The following VPS54 variants were observed in gnomAD, a reference collection of about 807,000 sequenced individuals.
VPS54 encodes vacuolar protein sorting-associated protein 54.
VPS54 carries 45 observed loss-of-function variants against 121.5 expected under a neutral mutation model. The ratio of observed to expected loss-of-function variants is 0.37; its 90% CI spans 0.29 to 0.47. The LOEUF is 0.47. VPS54 is among the 20% of genes least tolerant of loss of function. The pLI, the probability that VPS54 is intolerant of heterozygous loss-of-function variation, is 0.99. For missense variants in VPS54, 1,090 were observed against 1,131.4 expected (o/e 0.96, Z 0.52); for synonymous variants, 371 against 385.8 (o/e 0.96, Z 0.45).
In VPS54 at chr2:63,962,145, G is replaced by C; in HGVS notation, c.923C>G (p.Ser308Cys). 6.2e-6 allele frequency: 10 copies of C among 1,610,684 alleles called. No individual in the cohort carries two copies. The highest frequency in any genetic ancestry group is 8.5e-6 in the Non-Finnish European group (10 of 1,177,066). The change falls in exon 7 of 23, where the codon TCT becomes TGT. Residue 308 changes from serine (S) to cysteine (C), a missense_variant. Physicochemically the swap from Ser to Cys is moderately radical, Grantham distance 112. Around this residue, in one of 2 missense-constraint regions of VPS54, gnomAD observed 801 missense variants for 757.0 expected, o/e 1.06. Coordinates refer to ENST00000272322, the MANE Select transcript of VPS54 (RefSeq NM_016516.3). ...QTQPTVQVLL[S>C]TSEFVGALDL... ...CAATGCTCCAACAAATTCAGAAGTAGATAATAACACCTGTACTGTAGGCTG... is the reference window on the plus strand; with the variant it reads ...CAATGCTCCAACAAATTCAGAAGTACATAATAACACCTGTACTGTAGGCTG...
chr2:64,019,214 C>T lies in VPS54; in HGVS notation c.-297G>A, dbSNP rs1259434389. ...GTGTCCTGTCAGCCAGCAGTTTCCCCCGGGTCCGCAGCGCCGCCTCCGCCG... is the reference window on the plus strand; with the variant it reads ...GTGTCCTGTCAGCCAGCAGTTTCCCTCGGGTCCGCAGCGCCGCCTCCGCCG... On this transcript the variant is annotated 5_prime_UTR_variant, in exon 1 of 23. Transcript: ENST00000272322. The T allele has an allele frequency of 6.6e-6, 1 of 151,590 alleles. No individual in the cohort carries two copies. The highest frequency in any genetic ancestry group is 1.5e-5 in the Non-Finnish European group (1 of 68,120). 9.4% of individuals were successfully genotyped at this position (151,590 alleles called of 1,614,324 possible).
At chr2:63,957,850 G>C (rs1675574246) in intron 7 of VPS54, among the ~76,000 whole-genome samples, 1 of 152,132 alleles carries the variant, frequency 6.6e-6, no homozygotes, top group African/African-American at 2.4e-5. Context: ...ATCTCCCAGA[G>C]AGCTTTCAAA....
chr2:63,979,210 C>G (rs995021962), intron 3 of VPS54, among the ~76,000 whole-genome samples: 1 of 149,088 alleles, frequency 6.7e-6, no homozygotes, highest in African/African-American at 2.5e-5. Flanking sequence ...CTAATTTTGA[C>G]TTTGATGTTT....
At chr2:63,949,245 A>C in intron 7 of VPS54, 82 bp from the exon 8 acceptor site, 1 of 1,415,400 alleles carries the variant, frequency 7.1e-7, no homozygotes, top group Non-Finnish European at 9.5e-7. Flanking sequence ...CTAGTAGGTA[A>C]AACTTTTTCA....
At chr2:63,954,439 A>T (rs1295225536) in intron 7 of VPS54, among the ~76,000 whole-genome samples, 1 of 152,148 alleles carries the variant, frequency 6.6e-6, no homozygotes, top group African/African-American at 2.4e-5. Context: ...GAAAACAGCT[A>T]AATAAAGGAA....
chr2:64,017,837 T>C (rs565952797), intron 1 of VPS54, among the ~76,000 whole-genome samples: 2 of 152,330 alleles, frequency 1.3e-5, no homozygotes, highest in African/African-American at 2.4e-5. Context: ...CAGCTACTGG[T>C]AACCTATCAT....
At chr2:63,976,642 A>C (rs1676544138) in intron 3 of VPS54, among the ~76,000 whole-genome samples, 1 of 151,924 alleles carries the variant, frequency 6.6e-6, no homozygotes, top group African/African-American at 2.4e-5. Context: ...CAGAATATTT[A>C]TTTCTTGTTG....
At chr2:63,971,544 AT>A (rs1287588123) in intron 4 of VPS54, among the ~76,000 whole-genome samples, 1 of 152,174 alleles carries the variant, frequency 6.6e-6, no homozygotes, top group Non-Finnish European at 1.5e-5. Context: ...ATGGCTTTGT[AT>A]AAACTATTCC....
At chr2:63,995,811 G>A (rs776754810) in intron 1 of VPS54, among the ~76,000 whole-genome samples, 4 of 152,112 alleles carry the variant, frequency 2.6e-5, no homozygotes, top group Admixed American at 6.5e-5. Context: ...ATGGTCAAAG[G>A]ACACCTTCTG....
chr2:64,011,762 T>C (rs2104705104), intron 1 of VPS54, among the ~76,000 whole-genome samples: 1 of 152,298 alleles, frequency 6.6e-6, no homozygotes, highest in Middle Eastern at 3.4e-3. Context: ...TATTAGACAC[T>C]GGTATTCTCT....
chr2:63,999,716 A>G (rs1053409012), intron 1 of VPS54, among the ~76,000 whole-genome samples: 8 of 152,122 alleles, frequency 5.3e-5, no homozygotes, highest in African/African-American at 1.2e-4. Context: ...TTTACAGACA[A>G]TAACTCTTAG....
rs551811956 is a variant in VPS54 at position 63,932,009 on chromosome 2, G to A, written c.1739+1664C>T. Reference sequence around the variant, plus strand: ...ATCACTACAAAATCAGGAAACAACAGATGCTGGAGAGGATGTGGAGAAATA... The same window carrying A: ...ATCACTACAAAATCAGGAAACAACAAATGCTGGAGAGGATGTGGAGAAATA... On this transcript the variant is annotated intron_variant, in intron 12 of 22. Coordinates refer to ENST00000272322, the MANE Select transcript of VPS54 (RefSeq NM_016516.3). Among the ~76,000 whole-genome samples, 27 of 152,350 alleles carry A rather than the reference G, an allele frequency of 1.8e-4. 1 individual carries two copies. The South Asian group carries it at 3.7e-3, about 21-fold the overall frequency.
At chr2:63,932,201 G>A (rs1178939866) in intron 12 of VPS54, among the ~76,000 whole-genome samples, 5 of 152,190 alleles carry the variant, frequency 3.3e-5, no homozygotes, top group Admixed American at 1.3e-4. Context: ...GAAGACACAT[G>A]CACACGTATG....
intron 12 of VPS54, among the ~76,000 whole-genome samples, chr2:63,929,181 G>A (rs946762061): frequency 3.3e-5 from 5 of 152,140 alleles, no homozygotes; most frequent in African/African-American, 1.2e-4. Flanking sequence ...GACATCTGCA[G>A]AACTCTCCAC....
At chr2:63,934,042 G>A in intron 11 of VPS54, 29 bp from the exon 12 acceptor site, 2 of 1,566,912 alleles carry the variant, frequency 1.3e-6, no homozygotes, top group Non-Finnish European at 1.7e-6. Context: ...CACTTTTAAG[G>A]GACGTAAAAT....
At chr2:63,905,862 CAA>C (rs1310005226) in intron 20 of VPS54, among the ~76,000 whole-genome samples, 1 of 152,142 alleles carries the variant, frequency 6.6e-6, no homozygotes. Flanking sequence ...TTCACCTTGG[CAA>C]TCCTAAAGGC....
chr2:64,006,937 T>C (rs1170988358), intron 1 of VPS54, among the ~76,000 whole-genome samples: 3 of 152,234 alleles, frequency 2.0e-5, no homozygotes, highest in African/African-American at 7.2e-5. Flanking sequence ...ACTTTTTAAA[T>C]GGTCAGCAAA....
In VPS54 at chr2:63,984,052, C is replaced by A. The variant is rs992965271; in HGVS notation, c.-20-33G>T. ...TGAGTAAGAAATACTAATTAAGACACCGCAAATCAAAATCCAAGTATTATA... is the reference window on the plus strand; with the variant it reads ...TGAGTAAGAAATACTAATTAAGACAACGCAAATCAAAATCCAAGTATTATA... On this transcript the variant is annotated intron_variant, in intron 1 of 22. Coordinates refer to ENST00000272322, the MANE Select transcript of VPS54 (RefSeq NM_016516.3). 3.3e-5 allele frequency: 49 copies of A among 1,506,198 alleles called. 1 individual carries two copies. Among genetic ancestry groups the A allele is most frequent in the Admixed American group, 1.2e-4 (6 of 49,768 alleles). 93.3% of individuals were successfully genotyped at this position (1,506,198 alleles called of 1,614,324 possible).
intron 3 of VPS54, 82 bp from the exon 4 acceptor site, chr2:63,972,326 C>T (rs1676325330): frequency 2.1e-6 from 2 of 970,192 alleles, no homozygotes; most frequent in Non-Finnish European, 3.1e-6. Flanking sequence ...AACAGAATAT[C>T]AGAATATGCC....
Sources: gnomAD v4.1 joint callset for allele counts (sites outside exome capture counted in the v4.1 genomes callset) on GRCh38, gnomAD v4.1.1 for gene constraint, gnomAD v4.1.1 regional missense constraint, MANE v1.5 for transcripts, NCBI Gene and HGNC (gene_info 2026-07-23, HGNC 2026-07-21) for gene names.